Variants in C5 observed in about 807,000 individuals in gnomAD.
C5 encodes complement C5.
Under a neutral mutation model 218.8 loss-of-function variants are expected in C5, and 140 were observed. The ratio of observed to expected loss-of-function variants is 0.64; its 90% CI spans 0.56 to 0.74. The LOEUF (loss-of-function observed/expected upper bound fraction) is 0.74, where lower values mean the gene tolerates loss of function less well. C5 is among the 30% of genes least tolerant of loss of function. C5 has a pLI of 0.00. For missense variants in C5, 1,700 were observed against 1,969.6 expected, an observed-to-expected ratio of 0.86 and a Z score of 2.59; for synonymous variants, 614 against 682.3, an observed-to-expected ratio of 0.90 and a Z score of 1.56.
At chr9:120,982,262 G>T (rs931314293) in intron 26 of C5, among the ~76,000 whole-genome samples, 8 of 152,132 alleles carry the variant, frequency 5.3e-5, no homozygotes, top group African/African-American at 1.7e-4. Flanking sequence ...CGCCCGCCTT[G>T]GCCTCCCAAA....
At chr9:120,990,629 A>G (rs918640121) in intron 23 of C5, among the ~76,000 whole-genome samples, 1 of 152,196 alleles carries the variant, frequency 6.6e-6, no homozygotes, top group Non-Finnish European at 1.5e-5. Flanking sequence ...ATACAGCAAC[A>G]TATATCCTCA....
intron 25 of C5, among the ~76,000 whole-genome samples, chr9:120,984,540 TTATC>T (rs975220278): frequency 5.9e-5 from 9 of 152,170 alleles, no homozygotes; most frequent in African/African-American, 2.2e-4. Context: ...GCCTCTCCAC[TTATC>T]TATACATCTG....
chr9:121,033,010 ATGGGTGTGTGTGTG>A (rs1358956465), intron 5 of C5, among the ~76,000 whole-genome samples: 2 of 35,138 alleles, frequency 5.7e-5, no homozygotes, highest in Non-Finnish European at 1.9e-4. Context: ...CAAAAAAACT[ATGGGTGTGTGTGTG>A]TGTGTGTGTG....
intron 23 of C5, among the ~76,000 whole-genome samples, 194 bp from the exon 24 acceptor site, chr9:120,989,974 G>C (rs1319643092): frequency 6.6e-6 from 1 of 151,248 alleles, no homozygotes; most frequent in African/African-American, 2.4e-5. Context: ...AAAAAAAAAA[G>C]ACTTTAAAAA....
intron 22 of C5, among the ~76,000 whole-genome samples, chr9:120,993,437 T>A (rs369368754): frequency 6.9e-6 from 1 of 144,558 alleles, no homozygotes; most frequent in Non-Finnish European, 1.6e-5. Flanking sequence ...ATATATATAT[T>A]TTTGAGACGG....
intron 40 of C5, 92 bp downstream of exon 40, chr9:120,953,638 G>C: frequency 8.0e-7 from 1 of 1,255,924 alleles, no homozygotes; most frequent in South Asian, 1.2e-5. Context: ...TTGGTTAAGA[G>C]CAGGGCCATA....
intron 23 of C5, among the ~76,000 whole-genome samples, 184 bp from the exon 24 acceptor site, chr9:120,989,964 A>C (rs555974303): frequency 1.2e-3 from 179 of 152,186 alleles, no homozygotes; most frequent in African/African-American, 2.6e-3. Context: ...AAAGAAACAA[A>C]AAAAAAAAAG....
chr9:120,957,992 G>T (rs2046798692), intron 38 of C5, among the ~76,000 whole-genome samples: 2 of 152,160 alleles, frequency 1.3e-5, no homozygotes, highest in South Asian at 4.1e-4. Flanking sequence ...AGCTTGAAGG[G>T]ACCCATTCTT....
chr9:120,986,722 C>T (rs2047035710), intron 25 of C5, among the ~76,000 whole-genome samples: 1 of 150,474 alleles, frequency 6.6e-6, no homozygotes, highest in South Asian at 2.1e-4. Context: ...CTGGGTTATC[C>T]TCTGGTTGGT....
the C5 span, among the ~76,000 whole-genome samples, chr9:121,059,175 T>C: frequency 6.6e-6 from 1 of 152,164 alleles, no homozygotes; most frequent in South Asian, 2.1e-4. This position sits in a 1 kb window ranked among gnomAD's most constrained non-coding sequence, Gnocchi z 4.1. Flanking sequence ...GAATAGCATG[T>C]CCCAAAAGGC....
intron 34 of C5, 137 bp from the exon 35 acceptor site, chr9:120,963,104 A>G: frequency 1.3e-6 from 1 of 746,210 alleles, no homozygotes; most frequent in Non-Finnish European, 2.4e-6. Context: ...CCTCTTCTTG[A>G]AAAAGTCTGA....
chr9:120,994,783 G>T (rs140156123), intron 22 of C5, among the ~76,000 whole-genome samples: 25 of 152,184 alleles, frequency 1.6e-4, no homozygotes, highest in African/African-American at 5.8e-4. Context: ...TTTTAACCCA[G>T]ATTTTCTCTA....
chr9:120,957,392 A>G (rs950730373), intron 38 of C5, 24 bp from the exon 39 acceptor site: 1 of 1,566,660 alleles, frequency 6.4e-7, no homozygotes. Flanking sequence ...AACAACAATG[A>G]AACAATTCAG....
the C5 span, chr9:121,074,717 AC>A: frequency 2.3e-6 from 1 of 434,840 alleles, no homozygotes; most frequent in African/African-American, 2.0e-5. Flanking sequence ...GCCGCATGAA[AC>A]CTCGGCTCCC....
chr9:121,016,491 C>T, intron 14 of C5, 108 bp from the exon 15 acceptor site: 1 of 1,386,996 alleles, frequency 7.2e-7, no homozygotes, highest in Non-Finnish European at 1.0e-6. Context: ...GTGAAATACA[C>T]AGATGATATT....
intron 4 of C5, 130 bp from the exon 5 acceptor site, chr9:121,035,024 T>C: frequency 1.7e-6 from 1 of 598,254 alleles, no homozygotes. Flanking sequence ...TGTCTTCAAA[T>C]TAAATATGAA....
At chr9:120,976,670 G>A (rs2046955370) in intron 29 of C5, 30 bp downstream of exon 29, 1 of 1,566,568 alleles carries the variant, frequency 6.4e-7, no homozygotes, top group Admixed American at 1.7e-5. Flanking sequence ...AATGTCTACA[G>A]GGAGATGAAA....
At chr9:121,066,441 TTA>T in the C5 span, among the ~76,000 whole-genome samples, 2 of 151,862 alleles carry the variant, frequency 1.3e-5, no homozygotes, top group African/African-American at 4.8e-5. Context: ...ACTAATAACT[TTA>T]GGTAAACAGA....
the C5 span, among the ~76,000 whole-genome samples, chr9:121,058,845 G>T: frequency 2.0e-5 from 3 of 152,326 alleles, no homozygotes; most frequent in Non-Finnish European, 1.5e-5. Context: ...CTAGGCAAAG[G>T]TTCAAATGCA....
Sources: allele counts gnomAD v4.1 joint callset (sites outside exome capture counted in the v4.1 genomes callset), GRCh38; gene constraint gnomAD v4.1.1; non-coding constraint Gnocchi (gnomAD v3.1); transcripts MANE v1.5; gene names NCBI Gene and HGNC (gene_info 2026-07-23, HGNC 2026-07-21).